MEMO1: variants seen among roughly 807,000 people sequenced by gnomAD.
The protein encoded by MEMO1 is protein MEMO1.
A neutral mutation model predicts 45.2 loss-of-function variants in MEMO1; 6 were observed. The observed-to-expected ratio is 0.13, with a 90% CI of 0.07 to 0.26. The LOEUF (loss-of-function observed/expected upper bound fraction) is 0.26, where lower values mean the gene tolerates loss of function less well. Ranked by LOEUF, MEMO1 falls within the 10% of genes least tolerant of loss-of-function variation. The probability of loss-of-function intolerance (pLI) is 1.00; values close to 1 mark genes in which losing one functional copy is unlikely to be tolerated. For missense variants in MEMO1, 184 were observed against 370.5 expected, an observed-to-expected ratio of 0.50 and a Z score of 4.13; for synonymous variants, 78 against 124.3, an observed-to-expected ratio of 0.63 and a Z score of 2.48.
intron 6 of MEMO1, among the ~76,000 whole-genome samples, chr2:31,900,290 T>C (rs1049397066): frequency 6.6e-6 from 1 of 152,182 alleles, no homozygotes; most frequent in Non-Finnish European, 1.5e-5. Flanking sequence ...CAAATGTCCA[T>C]CAATGATAGA....
intron 2 of MEMO1, among the ~76,000 whole-genome samples, chr2:31,985,825 TAATA>T (rs138762620): frequency 0.013 from 1,945 of 152,310 alleles, 22 homozygotes; most frequent in Non-Finnish European, 0.02. Flanking sequence ...AAATCTTTAC[TAATA>T]AATATAGCTG....
At chr2:31,899,363 G>T (rs998523096) in intron 6 of MEMO1, among the ~76,000 whole-genome samples, 2 of 152,012 alleles carry the variant, frequency 1.3e-5, no homozygotes, top group African/African-American at 4.8e-5. Flanking sequence ...CAGAACAGAG[G>T]CCTCAGAAAT....
chr2:31,874,570 TTAGTAA>T (rs1674279987), intron 8 of MEMO1, among the ~76,000 whole-genome samples: 1 of 152,020 alleles, frequency 6.6e-6, no homozygotes. Context: ...ATAACTATAT[TTAGTAA>T]TAGTTTTCAG....
rs201702068 is a variant in MEMO1 at position 31,988,880 on chromosome 2, C to G, written c.61+21307G>C. On this transcript the variant is annotated intron_variant, in intron 2 of 9. Transcript: ENST00000404530. ...TCTTGAAAGAACAACTAGTTACTTA[C>G]TCTTGGGTATCTGAAAGTTATTTCC... Among the ~76,000 whole-genome samples, 5 of 152,100 alleles carry G rather than the reference C, an allele frequency of 3.3e-5. No individual in the cohort carries two copies. In the East Asian group the frequency reaches 9.6e-4, roughly 29 times the overall value.
intron 2 of MEMO1, among the ~76,000 whole-genome samples, chr2:31,995,642 TG>T (rs1672499691): frequency 1.3e-5 from 2 of 151,226 alleles, no homozygotes; most frequent in Non-Finnish European, 1.5e-5. Context: ...CAGTGAACTG[TG>T]GGAGAATATT....
At chr2:31,921,833 A>G (rs778912147) in intron 4 of MEMO1, among the ~76,000 whole-genome samples, 1 of 152,200 alleles carries the variant, frequency 6.6e-6, no homozygotes, top group Non-Finnish European at 1.5e-5. Context: ...GTCATTCTCA[A>G]AAACAAAGAA....
chr2:32,008,563 G>A (rs1394074374), intron 2 of MEMO1, among the ~76,000 whole-genome samples: 4 of 152,036 alleles, frequency 2.6e-5, no homozygotes, highest in African/African-American at 9.7e-5. Context: ...CAGCCTGGGC[G>A]ACAGAGCAAG....
intron 3 of MEMO1, among the ~76,000 whole-genome samples, chr2:31,936,673 A>G (rs553519758): frequency 8.5e-5 from 13 of 152,338 alleles, no homozygotes; most frequent in African/African-American, 2.9e-4. Flanking sequence ...AAAATGACCA[A>G]TTACTACAGG....
At chr2:31,987,302 C>A (rs1425021021) in intron 2 of MEMO1, among the ~76,000 whole-genome samples, 1 of 152,102 alleles carries the variant, frequency 6.6e-6, no homozygotes, top group Non-Finnish European at 1.5e-5. Flanking sequence ...CCTGGACCAA[C>A]AAATGTTTTG....
intron 2 of MEMO1, among the ~76,000 whole-genome samples, chr2:32,002,128 CA>C: frequency 8.8e-6 from 1 of 113,424 alleles, no homozygotes; most frequent in Non-Finnish European, 1.6e-5. Context: ...CTGGGCAACA[CA>C]GCGAGACTCT....
intron 6 of MEMO1, among the ~76,000 whole-genome samples, chr2:31,906,768 C>T (rs1326091952): frequency 1.3e-5 from 2 of 152,122 alleles, no homozygotes; most frequent in Non-Finnish European, 2.9e-5. Context: ...ATCTATTTTC[C>T]AGTTCTCTAA....
At chr2:31,922,310 G>C (rs931402281) in intron 4 of MEMO1, among the ~76,000 whole-genome samples, 3 of 145,876 alleles carry the variant, frequency 2.1e-5, no homozygotes, top group Non-Finnish European at 4.5e-5. Context: ...GCAGGGAGGA[G>C]ATAAAGCTGT....
At chr2:31,955,869 A>G (rs1667358364) in intron 2 of MEMO1, among the ~76,000 whole-genome samples, 1 of 152,116 alleles carries the variant, frequency 6.6e-6, no homozygotes, top group Non-Finnish European at 1.5e-5. Context: ...CAGCCTCCCA[A>G]AGCGCTGGTA....
At chr2:31,939,109 CAAAA>C (rs34125983) in intron 3 of MEMO1, among the ~76,000 whole-genome samples, 1 of 144,792 alleles carries the variant, frequency 6.9e-6, no homozygotes. Context: ...TTTTCTACCT[CAAAA>C]AAAAAAAAAA....
chr2:31,943,376 C>T lies in MEMO1; in HGVS notation c.69G>A (p.Gln23=), dbSNP rs1313553565. 2 of 1,613,162 alleles carry T rather than the reference C, an allele frequency of 1.2e-6. No homozygotes were observed. Among genetic ancestry groups the T allele is most frequent in the Admixed American group, 3.3e-5 (2 of 60,026 alleles). Residue 23 remains glutamine (Q), a synonymous_variant, in exon 3 of 10, where the codon CAG becomes CAA. Transcript: ENST00000404530. ...GCCAACCTTCTAGCTGTGCATTCAG[C>T]TGCGGTCCTATAAAAAGACAAAGAC... is the stretch of plus-strand genomic sequence containing the variant. The part of the protein sequence containing the change: ...AGSWYTASGP[Q]LNAQLEGWLS...
At chr2:31,963,639 G>T (rs767354482) in intron 2 of MEMO1, among the ~76,000 whole-genome samples, 2 of 152,096 alleles carry the variant, frequency 1.3e-5, no homozygotes, top group African/African-American at 2.4e-5. Flanking sequence ...AATAAATGAA[G>T]GTAGAAGGAT....
chr2:31,902,854 C>A (rs1003823338), intron 6 of MEMO1, among the ~76,000 whole-genome samples: 4 of 151,954 alleles, frequency 2.6e-5, no homozygotes, highest in African/African-American at 9.7e-5. Flanking sequence ...TGGAGCCCCT[C>A]ACTTTAAAAC....
At position 31,962,749 on chromosome 2, in the gene MEMO1, G is replaced by A. The variant is rs1397547363; in HGVS notation, c.62-19366C>T. Among the ~76,000 whole-genome samples, 4 of 152,298 alleles carry A rather than the reference G, an allele frequency of 2.6e-5. No individual in the cohort carries two copies. In the East Asian group the frequency reaches 7.7e-4, roughly 29 times the overall value. The stretch of plus-strand genomic sequence containing the variant: ...TGACTGACAACAATATTTAGGGCAG[G>A]AAATGTACAAAATGAGCCTGGATGT... On this transcript the variant is annotated intron_variant, in intron 2 of 9. Coordinates refer to ENST00000404530, the MANE Select transcript of MEMO1 (RefSeq NM_001301833.4).
chr2:31,981,720 C>G (rs1670661082), intron 2 of MEMO1, among the ~76,000 whole-genome samples: 1 of 152,174 alleles, frequency 6.6e-6, no homozygotes, highest in Non-Finnish European at 1.5e-5. Context: ...AATTTATTTT[C>G]CAAACACCCA....
Sources: gnomAD v4.1 joint callset for allele counts (sites outside exome capture counted in the v4.1 genomes callset) on GRCh38, gnomAD v4.1.1 for gene constraint, MANE v1.5 for transcripts, NCBI Gene and HGNC (gene_info 2026-07-23, HGNC 2026-07-21) for gene names.